The following BMPR1B variants were observed in gnomAD, a reference collection of about 807,000 sequenced individuals.
BMPR1B encodes bone morphogenetic protein receptor type-1B.
In BMPR1B, 12 loss-of-function variants were observed where a neutral mutation model predicts 59.1. That is an observed-to-expected ratio of 0.20 (90% CI 0.13 to 0.33). The LOEUF is 0.33. Ranked by LOEUF, BMPR1B falls within the 10% of genes least tolerant of loss-of-function variation. The pLI, the probability that BMPR1B is intolerant of heterozygous loss-of-function variation, is 1.00. For missense variants in BMPR1B, 550 were observed against 610.9 expected, an observed-to-expected ratio of 0.90 and a Z score of 1.05; for synonymous variants, 237 against 207.3, an observed-to-expected ratio of 1.14 and a Z score of -1.23.
chr4:94,915,607 A>G (rs1466491911), intron 2 of BMPR1B, among the ~76,000 whole-genome samples: 5 of 152,214 alleles, frequency 3.3e-5, no homozygotes, highest in Admixed American at 2.0e-4. Flanking sequence ...CACAATTAAC[A>G]TAATGAAGAT....
At chr4:95,017,395 G>C (rs1442455458) in intron 3 of BMPR1B, among the ~76,000 whole-genome samples, 2 of 152,156 alleles carry the variant, frequency 1.3e-5, no homozygotes, top group Admixed American at 6.5e-5. Context: ...ACTGCATCAC[G>C]AGGGACTTTT....
intron 3 of BMPR1B, among the ~76,000 whole-genome samples, chr4:95,055,533 G>A (rs945305878): frequency 6.6e-6 from 1 of 152,168 alleles, no homozygotes; most frequent in African/African-American, 2.4e-5. Flanking sequence ...TTCTACTACA[G>A]CTATTTTGTG....
intron 2 of BMPR1B, among the ~76,000 whole-genome samples, chr4:94,880,004 C>T (rs563402279): frequency 3.9e-5 from 6 of 151,992 alleles, no homozygotes; most frequent in Non-Finnish European, 7.4e-5. Flanking sequence ...AAGTGATTAT[C>T]GTAACAAAAT....
chr4:94,805,217 A>T (rs780122656), intron 1 of BMPR1B, among the ~76,000 whole-genome samples: 1 of 152,158 alleles, frequency 6.6e-6, no homozygotes, highest in African/African-American at 2.4e-5. Flanking sequence ...CAGTTTTAGG[A>T]TCATGTAGTG....
intron 2 of BMPR1B, among the ~76,000 whole-genome samples, chr4:94,920,457 G>A (rs1341540167): frequency 6.6e-6 from 1 of 152,118 alleles, no homozygotes; most frequent in African/African-American, 2.4e-5. Flanking sequence ...CTCCCCACAC[G>A]TCAAATTTCA....
intron 3 of BMPR1B, among the ~76,000 whole-genome samples, chr4:95,036,551 C>T (rs934025670): frequency 6.6e-6 from 1 of 152,088 alleles, no homozygotes; most frequent in African/African-American, 2.4e-5. Context: ...GGATCTCATT[C>T]TTTTTCATGG....
chr4:94,887,179 A>G (rs1727203092), intron 2 of BMPR1B, among the ~76,000 whole-genome samples: 1 of 151,898 alleles, frequency 6.6e-6, no homozygotes, highest in Admixed American at 6.6e-5. Context: ...TACTACTAAA[A>G]CAAATAAACG....
At chr4:94,759,458 C>T (rs183330184) in intron 1 of BMPR1B, among the ~76,000 whole-genome samples, 67 of 152,340 alleles carry the variant, frequency 4.4e-4, no homozygotes, top group Non-Finnish European at 1.2e-4. Flanking sequence ...TAATGGAAAT[C>T]TCTTGCTGTG....
At chr4:95,004,274 T>C (rs1306473464) in intron 3 of BMPR1B, among the ~76,000 whole-genome samples, 1 of 152,224 alleles carries the variant, frequency 6.6e-6, no homozygotes, top group Non-Finnish European at 1.5e-5. Context: ...CAGTATAATA[T>C]AGGACTTTTT....
intron 2 of BMPR1B, among the ~76,000 whole-genome samples, chr4:94,917,902 T>G (rs1307250669): frequency 6.6e-6 from 1 of 152,168 alleles, no homozygotes; most frequent in Admixed American, 6.5e-5. Flanking sequence ...TGACCCCTCA[T>G]GACTTGATGC....
intron 2 of BMPR1B, among the ~76,000 whole-genome samples, chr4:94,954,385 T>A (rs1015926204): frequency 3.3e-5 from 5 of 152,224 alleles, no homozygotes; most frequent in African/African-American, 1.2e-4. Flanking sequence ...CTATACAAAC[T>A]CTGCAGCTTT....
intron 4 of BMPR1B, among the ~76,000 whole-genome samples, chr4:95,106,716 A>T (rs1243809315): frequency 2.0e-5 from 3 of 151,976 alleles, no homozygotes; most frequent in African/African-American, 7.2e-5. Flanking sequence ...CTCAGAGAAG[A>T]GGTTGAGGAG....
At chr4:95,053,088 A>G (rs1011878505) in intron 3 of BMPR1B, among the ~76,000 whole-genome samples, 2 of 152,202 alleles carry the variant, frequency 1.3e-5, no homozygotes, top group African/African-American at 2.4e-5. Context: ...CAAAGAGGCC[A>G]TATGCTACAG....
intron 2 of BMPR1B, among the ~76,000 whole-genome samples, chr4:94,912,122 G>C (rs1009120986): frequency 2.0e-5 from 3 of 152,064 alleles, no homozygotes; most frequent in Non-Finnish European, 2.9e-5. Context: ...GTTAGATCTC[G>C]TGAGACTTAT....
chr4:95,039,769 AT>A (rs939070080), intron 3 of BMPR1B, among the ~76,000 whole-genome samples: 10 of 151,642 alleles, frequency 6.6e-5, no homozygotes, highest in African/African-American at 1.5e-4. Context: ...TTTTTTTGCA[AT>A]TTTTTTTAGC....
At chr4:94,902,067 G>GTGTGTGTGTGTT (rs1727833044) in intron 2 of BMPR1B, among the ~76,000 whole-genome samples, 1 of 148,870 alleles carries the variant, frequency 6.7e-6, no homozygotes, top group Non-Finnish European at 1.5e-5. Flanking sequence ...GTGTGTGTGT[G>GTGTGTGTGTGTT]TGTGTGTGTG....
intron 2 of BMPR1B, among the ~76,000 whole-genome samples, chr4:94,969,543 G>A (rs751454747): frequency 5.9e-5 from 9 of 152,092 alleles, no homozygotes; most frequent in Non-Finnish European, 1.2e-4. Flanking sequence ...CTCTTTTTTA[G>A]CCTGACAAAG....
chr4:94,853,660 G>A (rs1725645451), intron 1 of BMPR1B, among the ~76,000 whole-genome samples: 1 of 151,962 alleles, frequency 6.6e-6, no homozygotes, highest in Admixed American at 6.6e-5. Flanking sequence ...TTTAGGGGGA[G>A]GGGAGGAAGA....
chr4:95,061,014 TC>T (rs1472762402), intron 3 of BMPR1B, among the ~76,000 whole-genome samples: 1 of 147,946 alleles, frequency 6.8e-6, no homozygotes, highest in African/African-American at 2.5e-5. Flanking sequence ...GTTTGCCTCT[TC>T]GGAAGTAAAT....
Sources: allele counts gnomAD v4.1 joint callset (sites outside exome capture counted in the v4.1 genomes callset), GRCh38; gene constraint gnomAD v4.1.1; transcripts MANE v1.5; gene names NCBI Gene and HGNC (gene_info 2026-07-23, HGNC 2026-07-21).